Variants in LCA5L observed in about 807,000 individuals in gnomAD.
The protein encoded by LCA5L is lebercilin LCA5 like.
A neutral mutation model predicts 45.4 loss-of-function variants in LCA5L; 35 were observed. The ratio of observed to expected loss-of-function variants is 0.77; its 90% CI spans 0.59 to 1.02. The LOEUF is 1.02. Ranked by LOEUF, LCA5L falls within the 50% of genes least tolerant of loss-of-function variation. The probability of loss-of-function intolerance (pLI) is 0.00; values close to 1 mark genes in which losing one functional copy is unlikely to be tolerated. For synonymous variants in LCA5L, 233 were observed against 264.7 expected, an observed-to-expected ratio of 0.88 and a Z score of 1.16; for missense variants, 668 against 761.6, an observed-to-expected ratio of 0.88 and a Z score of 1.45.
rs1426640919 is a variant in LCA5L, at chr21:39,411,954, T to C, written c.976-152A>G. The C allele has an allele frequency of 7.9e-5, 42 of 530,332 alleles. 1 individual carries two copies. In the South Asian group the frequency reaches 1.3e-3, roughly 17 times the overall value. The allele number at this position is 530,332 out of a possible 1,614,324, so 32.9% of individuals were successfully genotyped here. On this transcript the variant is annotated intron_variant, in intron 7 of 10. Coordinates refer to ENST00000288350, the MANE Select transcript of LCA5L (RefSeq NM_152505.4). ...AAATAGGCCATATCATCCTATACCATTCCTGACATCGAAAAGTACTAGCTC... is the reference window on the plus strand; with the variant it reads ...AAATAGGCCATATCATCCTATACCACTCCTGACATCGAAAAGTACTAGCTC...
chr21:39,433,199 C>T (rs1291378143), intron 3 of LCA5L, among the ~76,000 whole-genome samples: 1 of 152,022 alleles, frequency 6.6e-6, no homozygotes. Flanking sequence ...GGCGGATTGC[C>T]TGAGGTCAGG....
At position 39,445,754 on chromosome 21, in the gene LCA5L, A is replaced by G. The variant is rs1447310655; in HGVS notation, c.-342T>C. On this transcript the variant is annotated 5_prime_UTR_variant, in exon 1 of 11. Coordinates refer to ENST00000288350, the MANE Select transcript of LCA5L (RefSeq NM_152505.4). Reference sequence around the variant, plus strand: ...TCCGCGCTGTTCCCACGACTGCGCCAACGCCGCAGCGCCGGCGCGTCCCCA... The same window carrying G: ...TCCGCGCTGTTCCCACGACTGCGCCGACGCCGCAGCGCCGGCGCGTCCCCA... 1 of 152,140 alleles carries G rather than the reference A, an allele frequency of 6.6e-6. No individual in the cohort carries two copies. Among genetic ancestry groups the G allele is most frequent in the African/African-American group, 2.4e-5 (1 of 41,434 alleles). The allele number at this position is 152,140 out of a possible 1,614,324, so 9.4% of individuals were successfully genotyped here. A position where few individuals can be genotyped will look rare whatever the true frequency, so the allele number is the denominator to read the frequency against.
At chr21:39,442,484 G>A (rs547115206) in intron 2 of LCA5L, among the ~76,000 whole-genome samples, 4 of 152,260 alleles carry the variant, frequency 2.6e-5, no homozygotes, top group African/African-American at 4.8e-5. Context: ...GTGAAGAATC[G>A]AGAAAAGCCA....
At chr21:39,428,089 A>C in intron 5 of LCA5L, 83 bp downstream of exon 5, 1 of 765,538 alleles carries the variant, frequency 1.3e-6, no homozygotes, top group South Asian at 1.8e-5. Flanking sequence ...AAAACTGAGT[A>C]TGAACCACTT....
intron 7 of LCA5L, among the ~76,000 whole-genome samples, chr21:39,418,689 G>A (rs1021346554): frequency 2.8e-4 from 42 of 151,904 alleles, no homozygotes; most frequent in Admixed American, 2.0e-3. Context: ...TAGTAGAGAC[G>A]GGGTTTTGCC....
chr21:39,409,839 C>G lies in LCA5L; in HGVS notation c.1282+140G>C. 5.2e-6 allele frequency: 3 copies of G among 574,618 alleles called. No homozygotes were observed. In the South Asian group the frequency reaches 6.4e-5, roughly 12 times the overall value. 35.6% of individuals were successfully genotyped at this position (574,618 alleles called of 1,614,324 possible). On this transcript the variant is annotated intron_variant, in intron 10 of 10. Transcript: ENST00000288350. The surrounding 1 kb of genome is among the most constrained non-coding windows in gnomAD (Gnocchi z 4.2). ...AAACTCTTGACCTCAGGTGATCTGC[C>G]TGCCTTGGCCTCCCAAAGTGCTGGG...
chr21:39,436,258 TTTAGTA>T (rs1394829316), intron 2 of LCA5L: 1 of 152,208 alleles, frequency 6.6e-6, no homozygotes, highest in African/African-American at 2.4e-5. Flanking sequence ...CAGTGACTGA[TTTAGTA>T]TTATATACTA....
At chr21:39,429,509 G>A (rs1488338377) in intron 3 of LCA5L, 2 of 152,188 alleles carry the variant, frequency 1.3e-5, no homozygotes, top group Non-Finnish European at 2.9e-5. Context: ...CAGCCACCTA[G>A]AGGGAATAGG....
At chr21:39,429,811 AG>A (rs2075458154) in intron 3 of LCA5L, among the ~76,000 whole-genome samples, 1 of 152,154 alleles carries the variant, frequency 6.6e-6, no homozygotes, top group African/African-American at 2.4e-5. Flanking sequence ...TGAGCTCAGA[AG>A]TTTAGGACCA....
At chr21:39,437,308 C>T (rs758653945) in intron 2 of LCA5L, among the ~76,000 whole-genome samples, 1 of 152,100 alleles carries the variant, frequency 6.6e-6, no homozygotes, top group Non-Finnish European at 1.5e-5. Flanking sequence ...CCTACTATCA[C>T]TGTTGTTCAT....
intron 3 of LCA5L, among the ~76,000 whole-genome samples, chr21:39,431,127 C>G (rs1569116492): frequency 2.0e-5 from 3 of 152,128 alleles, no homozygotes; most frequent in African/African-American, 7.2e-5. Context: ...AAAATGTCCC[C>G]TAATGAGGCT....
chr21:39,414,742 C>CTGTGTGTGTGTGTG (rs66478742), intron 7 of LCA5L, among the ~76,000 whole-genome samples: 65 of 99,220 alleles, frequency 6.6e-4, no homozygotes, highest in Middle Eastern at 6.1e-3. Context: ...CTCTCTCTCT[C>CTGTGTGTGTGTGTG]TGTGTGTGTG....
At chr21:39,410,754 A>G in intron 8 of LCA5L, 1 of 457,506 alleles carries the variant, frequency 2.2e-6, no homozygotes, top group East Asian at 7.0e-5. Flanking sequence ...GCGCATGACC[A>G]CTAAATCTAG....
intron 2 of LCA5L, among the ~76,000 whole-genome samples, chr21:39,437,532 T>C (rs1316114084): frequency 1.3e-5 from 2 of 152,150 alleles, no homozygotes; most frequent in African/African-American, 4.8e-5. Flanking sequence ...TGATCACAGC[T>C]CACTGCAGCC....
chr21:39,427,458 C>A (rs1242592347), intron 5 of LCA5L, among the ~76,000 whole-genome samples: 1 of 151,852 alleles, frequency 6.6e-6, no homozygotes, highest in East Asian at 1.9e-4. Flanking sequence ...GTCAGGAGAT[C>A]GAGACCATCC....
chr21:39,430,611 C>G (rs954809689), intron 3 of LCA5L, among the ~76,000 whole-genome samples: 3 of 152,048 alleles, frequency 2.0e-5, no homozygotes, highest in African/African-American at 4.8e-5. Flanking sequence ...GGAATGCAAC[C>G]CCCTTTAAAT....
chr21:39,412,235 A>G (rs2040209568), intron 7 of LCA5L, among the ~76,000 whole-genome samples: 1 of 152,348 alleles, frequency 6.6e-6, no homozygotes, highest in East Asian at 1.9e-4. Context: ...TAGTGACTAC[A>G]GTATTGGATG....
chr21:39,429,338 T>C (rs2075390772), intron 3 of LCA5L, 127 bp from the exon 4 acceptor site: 1 of 152,244 alleles, frequency 6.6e-6, no homozygotes, highest in East Asian at 1.9e-4. Context: ...CTGCATCTGC[T>C]TAATTCTCCA....
intron 7 of LCA5L, among the ~76,000 whole-genome samples, chr21:39,415,291 A>G (rs2040931329): frequency 6.6e-6 from 1 of 152,206 alleles, no homozygotes; most frequent in African/African-American, 2.4e-5. Flanking sequence ...TGATCTAGCC[A>G]TTTCTACTCT....
Sources: gnomAD v4.1 joint callset for allele counts (sites outside exome capture counted in the v4.1 genomes callset) on GRCh38, gnomAD v4.1.1 for gene constraint, Gnocchi (gnomAD v3.1) non-coding constraint, MANE v1.5 for transcripts, NCBI Gene and HGNC (gene_info 2026-07-23, HGNC 2026-07-21) for gene names.